Variants in CISD2 observed in about 807,000 individuals in gnomAD.
CISD2 encodes CDGSH iron-sulfur domain-containing protein 2.
CISD2 carries 1 observed loss-of-function variant against 12.9 expected under a neutral mutation model. The ratio of observed to expected loss-of-function variants is 0.08; its 90% CI spans 0.03 to 0.37. The LOEUF (loss-of-function observed/expected upper bound fraction) is 0.37. Among genes scored for constraint, CISD2 ranks in the 10% least tolerant of loss-of-function variants. The probability of loss-of-function intolerance (pLI) is 0.99; values close to 1 mark genes in which losing one functional copy is unlikely to be tolerated. For synonymous variants in CISD2, 50 were observed against 60.6 expected (o/e 0.83, Z 0.81); for missense variants, 97 against 163.1 (o/e 0.59, Z 2.21).
intron 1 of CISD2, among the ~76,000 whole-genome samples, chr4:102,882,539 C>T (rs1475501421): frequency 6.6e-6 from 1 of 152,080 alleles, no homozygotes; most frequent in African/African-American, 2.4e-5. Context: ...GAGATGGCAC[C>T]TTATAGAGCC....
chr4:102,876,602 T>G (rs571911391), intron 1 of CISD2, among the ~76,000 whole-genome samples: 33 of 152,180 alleles, frequency 2.2e-4, no homozygotes, highest in African/African-American at 6.7e-4. Context: ...ACAAAAAAAT[T>G]AGCTGGGTTT....
At chr4:102,874,089 G>A (rs958466357) in intron 1 of CISD2, among the ~76,000 whole-genome samples, 1 of 150,060 alleles carries the variant, frequency 6.7e-6, no homozygotes, top group Non-Finnish European at 1.5e-5. Flanking sequence ...TCGTGCCACT[G>A]CACTCCAGCC....
intron 1 of CISD2, chr4:102,882,671 T>G (rs72935540): frequency 1.3e-5 from 2 of 152,344 alleles, no homozygotes; most frequent in Admixed American, 1.3e-4. Flanking sequence ...AGGTTACCAG[T>G]GTGTCTTAGA....
At chr4:102,885,454 A>G (rs369622813) in intron 2 of CISD2, 24 bp downstream of exon 2, 2 of 1,596,392 alleles carry the variant, frequency 1.3e-6, no homozygotes, top group Non-Finnish European at 1.7e-6. Flanking sequence ...TTACGTGTAC[A>G]CTAAAATTTT....
At chr4:102,883,454 C>G (rs1391726011) in intron 1 of CISD2, among the ~76,000 whole-genome samples, 1 of 152,180 alleles carries the variant, frequency 6.6e-6, no homozygotes, top group Non-Finnish European at 1.5e-5. Flanking sequence ...CCTGATCAAC[C>G]CTAGTACCTC....
chr4:102,877,887 T>C lies in CISD2; in HGVS notation c.104-7329T>C, dbSNP rs542011126. On this transcript the variant is annotated intron_variant, in intron 1 of 2. Coordinates refer to ENST00000273986, the MANE Select transcript of CISD2 (RefSeq NM_001008388.5). Reference sequence around the variant, plus strand: ...TATGTTGGCCCCTTTTAGCCATGGCTGGGACACAGGGCATCAAGTCCCAAT... The same window carrying C: ...TATGTTGGCCCCTTTTAGCCATGGCCGGGACACAGGGCATCAAGTCCCAAT... Among the ~76,000 whole-genome samples the C allele has an allele frequency of 1.4e-4, 22 of 152,318 alleles. 1 individual carries two copies. The highest frequency in any genetic ancestry group is 5.1e-4 in the African/African-American group (21 of 41,576).
rs933913005 is a variant in CISD2, at chr4:102,887,321, T to C, written c.319-20T>C. On this transcript the variant is annotated intron_variant, in intron 2 of 2. Transcript: ENST00000273986. ...AATCATATTTTAAAAATAACACTTG[T>C]AATTCTTTTTTCTTTTTAGTTTCCT... 54 of 1,151,332 alleles carry C rather than the reference T, an allele frequency of 4.7e-5. No individual in the cohort carries two copies. Among genetic ancestry groups the C allele is most frequent in the Middle Eastern group, 5.6e-4 (2 of 3,546 alleles). 71.3% of individuals were successfully genotyped at this position (1,151,332 alleles called of 1,614,324 possible). A position where few individuals can be genotyped will look rare whatever the true frequency, so the allele number is the denominator to read the frequency against.
rs1325713185 is a variant in CISD2 at position 102,889,323 on chromosome 4, T to A, written c.*1893T>A. 2.0e-5 allele frequency: 3 copies of A among 152,278 alleles called. No individual in the cohort carries two copies. Among genetic ancestry groups the A allele is most frequent in the Admixed American group, 6.5e-5 (1 of 15,288 alleles). 9.4% of individuals were successfully genotyped at this position (152,278 alleles called of 1,614,324 possible). A position where few individuals can be genotyped will look rare whatever the true frequency, so the allele number is the denominator to read the frequency against. ...CCTCACTGTCAGATTAACCAATTAT[T>A]TTTCCACAGTTGGTCACCAGACTTT... On this transcript the variant is annotated 3_prime_UTR_variant, in exon 3 of 3. Coordinates refer to ENST00000273986, the MANE Select transcript of CISD2 (RefSeq NM_001008388.5).
intron 1 of CISD2, 199 bp downstream of exon 1, chr4:102,869,386 C>T: frequency 4.0e-6 from 3 of 746,398 alleles, no homozygotes; most frequent in South Asian, 1.5e-5. Context: ...CTTGATGCCC[C>T]AGGGTCTTTT....
intron 1 of CISD2, 67 bp downstream of exon 1, chr4:102,869,254 A>G: frequency 6.5e-7 from 1 of 1,544,378 alleles, no homozygotes; most frequent in Admixed American, 1.9e-5. Context: ...GAGGCGTAAA[A>G]ATCCTAGGGC....
intron 1 of CISD2, among the ~76,000 whole-genome samples, chr4:102,870,970 T>C (rs953815735): frequency 1.3e-5 from 2 of 152,216 alleles, no homozygotes; most frequent in Admixed American, 1.3e-4. Flanking sequence ...TGTCTTCACT[T>C]AAATAGCAAT....
intron 1 of CISD2, among the ~76,000 whole-genome samples, chr4:102,883,391 G>A (rs1473170280): frequency 1.3e-5 from 2 of 152,150 alleles, no homozygotes; most frequent in Non-Finnish European, 2.9e-5. Flanking sequence ...CTTTTCCATG[G>A]AAACCACAGT....
intron 1 of CISD2, among the ~76,000 whole-genome samples, chr4:102,869,882 C>T (rs1440286182): frequency 6.6e-6 from 1 of 152,162 alleles, no homozygotes; most frequent in African/African-American, 2.4e-5. Context: ...ATATATGTAA[C>T]GTTCTATACT....
chr4:102,880,685 A>C (rs554405413), intron 1 of CISD2, among the ~76,000 whole-genome samples: 1,605 of 151,656 alleles, frequency 0.011, 22 homozygotes, highest in African/African-American at 0.036. Context: ...CATTAAAAAA[A>C]AAATATATTT....
At chr4:102,882,132 T>C (rs1437506758) in intron 1 of CISD2, among the ~76,000 whole-genome samples, 3 of 152,028 alleles carry the variant, frequency 2.0e-5, no homozygotes, top group Admixed American at 6.6e-5. Flanking sequence ...GTGGAGGTGG[T>C]AGTGACCAAG....
At chr4:102,870,906 A>AAT (rs1214338609) in intron 1 of CISD2, among the ~76,000 whole-genome samples, 1 of 152,228 alleles carries the variant, frequency 6.6e-6, no homozygotes, top group Non-Finnish European at 1.5e-5. Flanking sequence ...TTCATTATGT[A>AAT]ATAGTTCATT....
intron 1 of CISD2, among the ~76,000 whole-genome samples, chr4:102,877,159 G>C (rs1733611901): frequency 1.3e-5 from 2 of 152,134 alleles, no homozygotes; most frequent in African/African-American, 2.4e-5. Context: ...CAGTCCTCCA[G>C]AGTCTTAATT....
chr4:102,882,810 G>A (rs1733756214), intron 1 of CISD2: 2 of 152,698 alleles, frequency 1.3e-5, no homozygotes, highest in Non-Finnish European at 2.9e-5. Flanking sequence ...GCAATGGCAT[G>A]ATCTCGGCTC....
chr4:102,870,872 T>G (rs1560900758), intron 1 of CISD2, among the ~76,000 whole-genome samples: 2 of 152,226 alleles, frequency 1.3e-5, no homozygotes, highest in Non-Finnish European at 2.9e-5. Flanking sequence ...AACTGGAAAT[T>G]AGAAATGTTT....
Sources: allele counts gnomAD v4.1 joint callset (sites outside exome capture counted in the v4.1 genomes callset), GRCh38; gene constraint gnomAD v4.1.1; transcripts MANE v1.5; gene names NCBI Gene and HGNC (gene_info 2026-07-23, HGNC 2026-07-21).